Variants in PPP3CA observed in about 807,000 individuals in gnomAD.
The protein encoded by PPP3CA is CAM-PRP catalytic subunit.
PPP3CA carries 14 observed loss-of-function variants against 66.5 expected under a neutral mutation model. The observed-to-expected ratio is 0.21, with a 90% CI of 0.14 to 0.33. The LOEUF (loss-of-function observed/expected upper bound fraction) is 0.33, where lower values mean the gene tolerates loss of function less well. Among genes scored for constraint, PPP3CA ranks in the 10% least tolerant of loss-of-function variants. The pLI, the probability that PPP3CA is intolerant of heterozygous loss-of-function variation, is 1.00. For missense variants in PPP3CA, 317 were observed against 639.5 expected (o/e 0.50, Z 5.44); for synonymous variants, 232 against 226.2 (o/e 1.03, Z -0.23).
chr4:101,133,848 C>T (rs1275512796), intron 2 of PPP3CA, among the ~76,000 whole-genome samples: 4 of 152,134 alleles, frequency 2.6e-5, no homozygotes, highest in Non-Finnish European at 4.4e-5. Flanking sequence ...TCAAACTATA[C>T]TACAAGGCTA....
chr4:101,298,997 A>G (rs530379673), intron 1 of PPP3CA, among the ~76,000 whole-genome samples: 10 of 151,332 alleles, frequency 6.6e-5, no homozygotes, highest in South Asian at 6.3e-4. Context: ...TAGATGGTAT[A>G]TATGTATATA....
chr4:101,190,331 T>C (rs1330761707), intron 2 of PPP3CA, among the ~76,000 whole-genome samples: 2 of 152,136 alleles, frequency 1.3e-5, no homozygotes, highest in African/African-American at 4.8e-5. Flanking sequence ...AGGCATTGCT[T>C]TACCAAAGGT....
At chr4:101,208,463 A>C (rs1041169316) in intron 1 of PPP3CA, among the ~76,000 whole-genome samples, 8 of 152,172 alleles carry the variant, frequency 5.3e-5, no homozygotes, top group Non-Finnish European at 7.3e-5. Context: ...CATTCTTAGC[A>C]CACTAAATAC....
intron 3 of PPP3CA, among the ~76,000 whole-genome samples, chr4:101,104,197 C>A (rs1409831639): frequency 6.6e-6 from 1 of 152,066 alleles, no homozygotes; most frequent in East Asian, 1.9e-4. Flanking sequence ...CAGAGGATAG[C>A]CAAAGGAGAA....
At position 101,191,290 on chromosome 4, in the gene PPP3CA, C is replaced by CT. The variant is rs1365495917; in HGVS notation, c.259+4625dup. Among the ~76,000 whole-genome samples, 3 of 152,348 alleles carry CT rather than the reference C, an allele frequency of 2.0e-5. No individual in the cohort carries two copies. In the East Asian group the frequency reaches 5.8e-4, roughly 29 times the overall value. ...GGAAACACTGACTCCACCTGTCTCCCTTTTCACATTTGTAAAAAGCGTTTC... is the reference window on the plus strand; with the variant it reads ...GGAAACACTGACTCCACCTGTCTCCCTTTTTCACATTTGTAAAAAGCGTTTC... On this transcript the variant is annotated intron_variant, in intron 2 of 13. Coordinates refer to ENST00000394854, the MANE Select transcript of PPP3CA (RefSeq NM_000944.5).
chr4:101,216,004 T>C (rs147140688), intron 1 of PPP3CA, among the ~76,000 whole-genome samples: 43 of 152,090 alleles, frequency 2.8e-4, no homozygotes, highest in African/African-American at 1.0e-3. Flanking sequence ...TTGGAACATC[T>C]TGTATTAAAC....
At chr4:101,346,339 A>T (rs1729993311) in intron 1 of PPP3CA, among the ~76,000 whole-genome samples, 1 of 152,214 alleles carries the variant, frequency 6.6e-6, no homozygotes, top group Admixed American at 6.5e-5. Context: ...CCCTCTGCAG[A>T]AGAAAACCAT....
At chr4:101,168,831 C>T (rs551835159) in intron 2 of PPP3CA, among the ~76,000 whole-genome samples, 14 of 152,224 alleles carry the variant, frequency 9.2e-5, no homozygotes, top group African/African-American at 3.4e-4. Context: ...GCAAGTAAGA[C>T]CTCTTATTAT....
chr4:101,076,148 A>G (rs1390220062), intron 8 of PPP3CA, among the ~76,000 whole-genome samples: 1 of 152,130 alleles, frequency 6.6e-6, no homozygotes, highest in Non-Finnish European at 1.5e-5. Context: ...TTCACAGGAG[A>G]AAATTCAACA....
chr4:101,027,628 TCTA>T (rs1322825568), intron 13 of PPP3CA, among the ~76,000 whole-genome samples: 1 of 152,216 alleles, frequency 6.6e-6, no homozygotes, highest in East Asian at 1.9e-4. Flanking sequence ...GAAGTGGTAC[TCTA>T]CTGTCTTTTT....
At chr4:101,314,931 A>G (rs1044060377) in intron 1 of PPP3CA, among the ~76,000 whole-genome samples, 1 of 152,182 alleles carries the variant, frequency 6.6e-6, no homozygotes, top group African/African-American at 2.4e-5. Context: ...TATTTTTTCA[A>G]AACATGATTC....
intron 1 of PPP3CA, among the ~76,000 whole-genome samples, chr4:101,286,936 T>C (rs1258825307): frequency 6.6e-6 from 1 of 151,998 alleles, no homozygotes; most frequent in Non-Finnish European, 1.5e-5. Context: ...TTTCGACAGC[T>C]GGGACTTGAA....
At chr4:101,305,335 T>C (rs1009829650) in intron 1 of PPP3CA, among the ~76,000 whole-genome samples, 1 of 152,208 alleles carries the variant, frequency 6.6e-6, no homozygotes, top group Non-Finnish European at 1.5e-5. Flanking sequence ...GTCACATGTT[T>C]CAGAGGAGAT....
At chr4:101,227,569 T>A (rs542809188) in intron 1 of PPP3CA, among the ~76,000 whole-genome samples, 41 of 151,866 alleles carry the variant, frequency 2.7e-4, no homozygotes, top group Middle Eastern at 3.4e-3. Flanking sequence ...TTTCTTTTTT[T>A]AAAAAACTTT....
intron 5 of PPP3CA, among the ~76,000 whole-genome samples, chr4:101,095,776 T>C (rs1030691770): frequency 2.6e-5 from 4 of 152,034 alleles, no homozygotes; most frequent in African/African-American, 9.7e-5. Context: ...CTCAGACTCC[T>C]GAGTAGCTGG....
chr4:101,328,477 T>A (rs1729273174), intron 1 of PPP3CA, among the ~76,000 whole-genome samples: 1 of 152,194 alleles, frequency 6.6e-6, no homozygotes, highest in Non-Finnish European at 1.5e-5. Context: ...AACTCCCTCC[T>A]CAAAATGTTT....
chr4:101,036,569 G>A (rs1727261010), intron 11 of PPP3CA, among the ~76,000 whole-genome samples: 1 of 152,044 alleles, frequency 6.6e-6, no homozygotes, highest in African/African-American at 2.4e-5. Flanking sequence ...CTGCCACCAC[G>A]CCCAGCTAAT....
intron 1 of PPP3CA, among the ~76,000 whole-genome samples, chr4:101,300,213 G>A (rs1728332208): frequency 6.6e-6 from 1 of 152,104 alleles, no homozygotes; most frequent in Non-Finnish European, 1.5e-5. Flanking sequence ...AAATTAGTAA[G>A]GTTAATGTCC....
intron 1 of PPP3CA, among the ~76,000 whole-genome samples, chr4:101,310,658 G>A (rs1052178667): frequency 3.3e-5 from 5 of 152,248 alleles, no homozygotes; most frequent in African/African-American, 1.2e-4. Context: ...AAGTGACAGA[G>A]AGAAACACTC....
Sources: allele counts gnomAD v4.1 joint callset (sites outside exome capture counted in the v4.1 genomes callset), GRCh38; gene constraint gnomAD v4.1.1; transcripts MANE v1.5; gene names NCBI Gene and HGNC (gene_info 2026-07-23, HGNC 2026-07-21).